Variants in CAMTA1 observed in about 807,000 individuals in gnomAD.
CAMTA1 encodes calmodulin-binding transcription activator 1.
Under a neutral mutation model 170.9 loss-of-function variants are expected in CAMTA1, and 27 were observed. The observed-to-expected ratio is 0.16, with a 90% confidence interval of 0.12 to 0.22. The LOEUF (loss-of-function observed/expected upper bound fraction) is 0.22. Ranked by LOEUF, CAMTA1 falls within the 10% of genes least tolerant of loss-of-function variation. The pLI is 1.00. For missense variants in CAMTA1, 1,619 were observed against 2,217.2 expected (o/e 0.73, Z 5.42); for synonymous variants, 833 against 891.5 (o/e 0.93, Z 1.17).
chr1:7,127,548 C>T (rs926830812), intron 4 of CAMTA1, among the ~76,000 whole-genome samples: 4 of 152,184 alleles, frequency 2.6e-5, no homozygotes, highest in East Asian at 1.9e-4. Context: ...TGATATGTGC[C>T]GGTCACCTTG....
intron 4 of CAMTA1, among the ~76,000 whole-genome samples, chr1:7,225,973 T>C (rs577551424): frequency 6.6e-6 from 1 of 152,300 alleles, no homozygotes; most frequent in South Asian, 2.1e-4. Flanking sequence ...TATCCTAGGA[T>C]GGCAGATGTG....
intron 5 of CAMTA1, among the ~76,000 whole-genome samples, chr1:7,415,483 T>C (rs1575190849): frequency 1.3e-5 from 2 of 152,322 alleles, no homozygotes; most frequent in East Asian, 3.9e-4. Flanking sequence ...TTAGCTCTTC[T>C]TGTTGAATTG....
intron 4 of CAMTA1, among the ~76,000 whole-genome samples, chr1:7,194,630 T>C (rs897350406): frequency 7.2e-5 from 11 of 152,226 alleles, no homozygotes; most frequent in African/African-American, 2.7e-4. Flanking sequence ...ACAGCGATAC[T>C]TGGAGGATTT....
At chr1:7,069,573 C>T (rs1638329274) in intron 3 of CAMTA1, among the ~76,000 whole-genome samples, 2 of 152,062 alleles carry the variant, frequency 1.3e-5, no homozygotes, top group African/African-American at 4.8e-5. Flanking sequence ...GCCATCTGGT[C>T]CCAGGGACCA....
intron 7 of CAMTA1, among the ~76,000 whole-genome samples, chr1:7,656,250 C>A (rs1368690347): frequency 6.6e-6 from 1 of 152,216 alleles, no homozygotes. Flanking sequence ...AGAAATTGAT[C>A]GTCTCACAGT....
intron 6 of CAMTA1, among the ~76,000 whole-genome samples, chr1:7,595,154 A>G (rs185220624): frequency 1.1e-4 from 17 of 152,230 alleles, no homozygotes; most frequent in Non-Finnish European, 2.1e-4. Context: ...TCTCTAAACA[A>G]AGGGGTGCGG....
Position 7,588,353 on chromosome 1 carries a change from C to T in CAMTA1, c.511-52047C>T, listed in dbSNP as rs2095328157. On this transcript the variant is annotated intron_variant, in intron 6 of 22. Transcript: ENST00000303635. The surrounding 1 kb of genome is among the most constrained non-coding windows in gnomAD (Gnocchi z 5.8). The stretch of plus-strand genomic sequence containing the variant: ...GCTCTGCAGTCTGGAGCCCTTTGCT[C>T]TGCCACACACAGTCGGGATGGTCCG... Among the ~76,000 whole-genome samples the T allele has an allele frequency of 6.6e-6, 1 of 151,040 alleles. No homozygotes were observed.
Position 7,745,999 on chromosome 1 carries a change from A to C in CAMTA1, c.4525A>C (p.Asn1509His). The change falls in exon 18 of 23, where the codon AAT (asparagine) becomes CAT (histidine). Residue 1509 changes from asparagine to histidine, a missense_variant. By Grantham distance (68) the Asn-to-His change is moderately conservative. Around this residue, in one of 8 missense-constraint regions of CAMTA1, gnomAD observed 128 missense variants for 213.5 expected, o/e 0.60. Coordinates refer to ENST00000303635, the MANE Select transcript of CAMTA1 (RefSeq NM_015215.4). ...TGCATCTACCAGTGAGAAGGTAGAG[A>C]ATGAGTTTGCTCAGCTCACTCTGTC... is the stretch of plus-strand genomic sequence containing the variant. ...LSASTSEKVE[N>H]EFAQLTLSDH... The C allele has an allele frequency of 6.2e-7, 1 of 1,614,218 alleles. No homozygotes were observed. Among genetic ancestry groups the C allele is most frequent in the South Asian group, 1.1e-5 (1 of 91,090 alleles).
At position 7,766,589 on chromosome 1, in the gene CAMTA1, ACACG is replaced by A; in HGVS notation, c.*102_*105del. 3.1e-6 allele frequency: 3 copies of A among 978,312 alleles called. No individual in the cohort carries two copies. Among genetic ancestry groups the A allele is most frequent in the Non-Finnish European group, 3.3e-6 (2 of 608,904 alleles). The allele number at this position is 978,312 out of a possible 1,614,324, so 60.6% of individuals were successfully genotyped here. ...ACATGCAACAACAACACACACGCAC[ACACG>A]CACACACACACACGTACACACACAT... is the stretch of plus-strand genomic sequence containing the variant. On this transcript the variant is annotated 3_prime_UTR_variant, in exon 23 of 23. Coordinates refer to ENST00000303635, the MANE Select transcript of CAMTA1 (RefSeq NM_015215.4).
At chr1:7,117,207 G>T (rs1290953512) in intron 4 of CAMTA1, among the ~76,000 whole-genome samples, 3 of 151,318 alleles carry the variant, frequency 2.0e-5, no homozygotes, top group Non-Finnish European at 4.4e-5. Context: ...CTGACCTCAG[G>T]TGATCCGCCC....
At chr1:6,911,931 C>A (rs1038867686) in intron 3 of CAMTA1, among the ~76,000 whole-genome samples, 1 of 152,228 alleles carries the variant, frequency 6.6e-6, no homozygotes, top group African/African-American at 2.4e-5. Flanking sequence ...ACAATGCTAG[C>A]TGCTAAGATC....
In CAMTA1 at chr1:7,673,518, T is replaced by TG. The variant is rs1299627478; in HGVS notation, c.2779+2485dup. 6.6e-6 allele frequency among the ~76,000 whole-genome samples: 1 copy of TG among 152,188 alleles called. No individual in the cohort carries two copies. Among genetic ancestry groups the TG allele is most frequent in the Non-Finnish European group, 1.5e-5 (1 of 68,010 alleles). On this transcript the variant is annotated intron_variant, in intron 10 of 22. Transcript: ENST00000303635. The surrounding 1 kb of genome is among the most constrained non-coding windows in gnomAD (Gnocchi z 4.6). ...TCTCAACAGGCAGTTCTCCTGGTCC[T>TG]GGGGCATTTCTGGGTCCCCAGAGAT...
chr1:7,488,131 G>A (rs942897393), intron 6 of CAMTA1, among the ~76,000 whole-genome samples: 3 of 152,062 alleles, frequency 2.0e-5, no homozygotes, highest in Admixed American at 6.5e-5. Context: ...AAATCTCTCT[G>A]GAGCCTTTCT....
intron 5 of CAMTA1, among the ~76,000 whole-genome samples, chr1:7,357,152 G>C (rs1183660935): frequency 6.6e-6 from 1 of 152,228 alleles, no homozygotes. Context: ...TGAAACCAAG[G>C]GCCCTGCGAT....
intron 11 of CAMTA1, among the ~76,000 whole-genome samples, chr1:7,690,480 C>G (rs1401478616): frequency 6.6e-6 from 1 of 152,222 alleles, no homozygotes; most frequent in Admixed American, 6.5e-5. Flanking sequence ...CCCCACACCC[C>G]ATTTGGTGGT....
At position 7,635,152 on chromosome 1, in the gene CAMTA1, C is replaced by G. The variant is rs1036623490; in HGVS notation, c.511-5248C>G. Among the ~76,000 whole-genome samples, 6 of 152,080 alleles carry G rather than the reference C, an allele frequency of 3.9e-5. No homozygotes were observed. The highest frequency in any genetic ancestry group is 7.4e-5 in the Non-Finnish European group (5 of 68,014). ...GGTCACGATCACTTTGGGGGGTGAC[C>G]CCTAGCATCTCTCATGAAAACTCCA... On this transcript the variant is annotated intron_variant, in intron 6 of 22. Transcript: ENST00000303635. This position sits in a 1 kb window ranked among gnomAD's most constrained non-coding sequence, Gnocchi z 4.4.
chr1:7,734,576 C>G (rs1292934518), intron 12 of CAMTA1, among the ~76,000 whole-genome samples: 7 of 152,146 alleles, frequency 4.6e-5, no homozygotes, highest in African/African-American at 1.7e-4. Flanking sequence ...TTCACTCTGG[C>G]CATTTCCATG....
At chr1:6,812,531 T>A (rs1163276848) in intron 1 of CAMTA1, among the ~76,000 whole-genome samples, 2 of 152,206 alleles carry the variant, frequency 1.3e-5, no homozygotes, top group Admixed American at 1.3e-4. Flanking sequence ...ACTGAAACAA[T>A]ATCATTTTAA....
chr1:7,491,508 G>C (rs2093702851), intron 6 of CAMTA1, among the ~76,000 whole-genome samples: 1 of 152,228 alleles, frequency 6.6e-6, no homozygotes, highest in South Asian at 2.1e-4. Flanking sequence ...GCTTAAAACA[G>C]GGCTTGGCGT....
Sources: allele counts gnomAD v4.1 joint callset (sites outside exome capture counted in the v4.1 genomes callset), GRCh38; gene constraint gnomAD v4.1.1; regional missense constraint gnomAD v4.1.1; non-coding constraint Gnocchi (gnomAD v3.1); transcripts MANE v1.5; gene names NCBI Gene and HGNC (gene_info 2026-07-23, HGNC 2026-07-21).